ZFP30: variants seen among roughly 807,000 people sequenced by gnomAD.
The protein encoded by ZFP30 is zinc finger protein 30 homolog.
Under a neutral mutation model 12.3 loss-of-function variants are expected in ZFP30, and 16 were observed. The ratio of observed to expected loss-of-function variants is 1.30; its 90% CI spans 0.88 to 1.98. ZFP30 has a LOEUF of 1.98. Ranked by LOEUF, ZFP30 falls within the 30% of genes most tolerant of loss-of-function variation. The pLI is 0.00. For synonymous variants in ZFP30, 172 were observed against 201.0 expected, an observed-to-expected ratio of 0.86 and a Z score of 1.22; for missense variants, 560 against 611.2, an observed-to-expected ratio of 0.92 and a Z score of 0.88.
chr19:37,641,701 CAA>C (rs970316816), intron 5 of ZFP30, among the ~76,000 whole-genome samples: 13 of 152,204 alleles, frequency 8.5e-5, no homozygotes, highest in Non-Finnish European at 1.8e-4. Flanking sequence ...TAAATATCAT[CAA>C]AAGTCAATGT....
chr19:37,631,184 G>C lies in ZFP30; in HGVS notation c.*3797C>G, dbSNP rs1334309586. The C allele has an allele frequency of 2.6e-5, 4 of 152,132 alleles. No individual in the cohort carries two copies. Among genetic ancestry groups the C allele is most frequent in the Non-Finnish European group, 5.9e-5 (4 of 68,026 alleles). 9.4% of individuals were successfully genotyped at this position (152,132 alleles called of 1,614,324 possible). A position where few individuals can be genotyped will look rare whatever the true frequency, so the allele number is the denominator to read the frequency against. On this transcript the variant is annotated 3_prime_UTR_variant, in exon 6 of 6. Transcript: ENST00000684514. Reference sequence around the variant, plus strand: ...TCCACCTTTGCTGTCACCTGTTTTGGTTACAGCACTTATCTGTTAAAATGG... The same window carrying C: ...TCCACCTTTGCTGTCACCTGTTTTGCTTACAGCACTTATCTGTTAAAATGG...
rs1230020595 is a variant in ZFP30 at position 37,633,356 on chromosome 19, TTTC to T, written c.*1622_*1624del. 1.3e-5 allele frequency: 2 copies of T among 152,094 alleles called. No homozygotes were observed. Among genetic ancestry groups the T allele is most frequent in the African/African-American group, 2.4e-5 (1 of 41,388 alleles). The allele number at this position is 152,094 out of a possible 1,614,324, so 9.4% of individuals were successfully genotyped here. ...TCCACAAGTTTTAATATGTAGAAAT[TTTC>T]TTTTTTTCTTTGAGATAGAGTTTTG... is the stretch of plus-strand genomic sequence containing the variant. On this transcript the variant is annotated 3_prime_UTR_variant, in exon 6 of 6. Transcript: ENST00000684514.
chr19:37,653,092 G>T (rs1318792257), intron 2 of ZFP30, among the ~76,000 whole-genome samples: 1 of 149,640 alleles, frequency 6.7e-6, no homozygotes, highest in Admixed American at 6.7e-5. Context: ...ACTCCAACCC[G>T]GGCAACAAAA....
At chr19:37,654,049 T>G (rs1271573181) in intron 2 of ZFP30, among the ~76,000 whole-genome samples, 1 of 152,270 alleles carries the variant, frequency 6.6e-6, no homozygotes, top group Non-Finnish European at 1.5e-5. Context: ...GGACTCACTA[T>G]GTGCCAGGCA....
intron 3 of ZFP30, among the ~76,000 whole-genome samples, chr19:37,645,625 T>C (rs1417311196): frequency 6.6e-6 from 1 of 151,010 alleles, no homozygotes; most frequent in African/African-American, 2.4e-5. Context: ...TTTATTTATT[T>C]CCAGACATAT....
Position 37,636,411 on chromosome 19 carries a change from A to G in ZFP30, c.236-106T>C. The stretch of plus-strand genomic sequence containing the variant: ...ACCAAAAAAAAAAAAAAAGAAAAAG[A>G]AAGCCCAATTGAAGTAAATGGGCTC... On this transcript the variant is annotated intron_variant, in intron 5 of 5. Transcript: ENST00000684514. 3.2e-6 allele frequency: 4 copies of G among 1,239,092 alleles called. No homozygotes were observed. In the East Asian group the frequency reaches 1.0e-4, roughly 32 times the overall value. The allele number at this position is 1,239,092 out of a possible 1,614,324, so 76.8% of individuals were successfully genotyped here.
chr19:37,631,826 A>G lies in ZFP30; in HGVS notation c.*3155T>C, dbSNP rs538124136. On this transcript the variant is annotated 3_prime_UTR_variant, in exon 6 of 6. Coordinates refer to ENST00000684514, the MANE Select transcript of ZFP30 (RefSeq NM_001320669.3). ...ATTAAAGCTGGATGGATCTGGTCCA[A>G]GTTATTCCACATAAATGATTTTCTA... The G allele has an allele frequency of 1.3e-5, 2 of 152,282 alleles. No individual in the cohort carries two copies. Among genetic ancestry groups the G allele is most frequent in the Middle Eastern group, 3.4e-3 (1 of 294 alleles). 9.4% of individuals were successfully genotyped at this position (152,282 alleles called of 1,614,324 possible).
intron 5 of ZFP30, among the ~76,000 whole-genome samples, chr19:37,640,428 T>C (rs1196662295): frequency 1.3e-5 from 2 of 149,376 alleles, no homozygotes; most frequent in Non-Finnish European, 3.0e-5. Flanking sequence ...CTATATAATT[T>C]AATATTAACT....
intron 3 of ZFP30, 67 bp from the exon 4 acceptor site, chr19:37,644,803 G>C (rs890855211): frequency 6.6e-7 from 1 of 1,516,630 alleles, no homozygotes; most frequent in Non-Finnish European, 8.9e-7. Flanking sequence ...GAAGAAGGTG[G>C]CTGGGTGTAG....
intron 5 of ZFP30, among the ~76,000 whole-genome samples, chr19:37,642,107 A>C (rs745796072): frequency 6.6e-6 from 1 of 152,234 alleles, no homozygotes. Flanking sequence ...CTGATATTCA[A>C]TATCTAAATC....
intron 5 of ZFP30, among the ~76,000 whole-genome samples, chr19:37,639,289 C>T (rs1309599857): frequency 1.3e-5 from 2 of 152,032 alleles, no homozygotes; most frequent in East Asian, 3.8e-4. Context: ...GAAGGTAATA[C>T]AAAGGTTAAG....
upstream of ZFP30, chr19:37,656,022 T>G (rs1871196): frequency 0.26 from 39,350 of 152,138 alleles, 6,304 homozygotes; most frequent in Non-Finnish European, 0.37. Flanking sequence ...CTGGCGTGAG[T>G]TGGATGGAGG....
intron 2 of ZFP30, among the ~76,000 whole-genome samples, chr19:37,649,965 T>C (rs1355068371): frequency 6.6e-6 from 1 of 152,188 alleles, no homozygotes; most frequent in Non-Finnish European, 1.5e-5. Context: ...ATGATTGTAA[T>C]GTAATTGTAT....
intron 5 of ZFP30, among the ~76,000 whole-genome samples, chr19:37,639,448 C>A (rs933419428): frequency 6.6e-6 from 1 of 152,106 alleles, no homozygotes; most frequent in Non-Finnish European, 1.5e-5. Flanking sequence ...AAAGTCCACA[C>A]AAACTGGGCA....
Position 37,636,179 on chromosome 19 carries a change from T to G in ZFP30, c.362A>C (p.His121Pro). 3.7e-6 allele frequency: 6 copies of G among 1,614,188 alleles called. No individual in the cohort carries two copies. Among genetic ancestry groups the G allele is most frequent in the Non-Finnish European group, 5.1e-6 (6 of 1,180,034 alleles). The change falls in exon 6 of 6, where the codon CAT becomes CCT. Residue 121 changes from histidine (H) to proline (P), a missense_variant. Coordinates refer to ENST00000684514, the MANE Select transcript of ZFP30 (RefSeq NM_001320669.3). ...SCGLEEQESP[H>P]EVCFRQVTKT... ...TGTCACTTGCCTGAAACACACCTCA[T>G]GAGGACTTTCTTGTTCTTCAAGTCC...
intron 2 of ZFP30, chr19:37,651,402 C>G (rs2044647394): frequency 6.6e-6 from 1 of 151,884 alleles, no homozygotes; most frequent in Non-Finnish European, 1.5e-5. Context: ...CGGTGAAACC[C>G]CATCTCTACT....
chr19:37,643,765 C>T (rs1568384053), intron 4 of ZFP30, among the ~76,000 whole-genome samples: 1 of 152,052 alleles, frequency 6.6e-6, no homozygotes, highest in Non-Finnish European at 1.5e-5. Context: ...TGAGGTACTA[C>T]ATTTGCTATT....
In ZFP30 at chr19:37,635,024, T is replaced by A. The variant is rs2044290926; in HGVS notation, c.1517A>T (p.His506Leu). ...TCGCTGATGGTAAGTAAGATGTGAA[T>A]GTTGTCTAAATGCCTTTTTACATTC... ...CKECKKAFRQHSHLTYHQRIH... is the reference protein window; with the variant it reads ...CKECKKAFRQLSHLTYHQRIH... Residue 506 changes from histidine to leucine, a missense_variant, in exon 6 of 6, where the codon CAT (histidine) becomes CTT (leucine). Coordinates refer to ENST00000684514, the MANE Select transcript of ZFP30 (RefSeq NM_001320669.3). The A allele has an allele frequency of 5.1e-6, 8 of 1,581,756 alleles. No homozygotes were observed. The highest frequency in any genetic ancestry group is 6.9e-6 in the Non-Finnish European group (8 of 1,167,444).
rs1177264402 is a variant in ZFP30 at position 37,634,483 on chromosome 19, T to C, written c.*498A>G. On this transcript the variant is annotated 3_prime_UTR_variant, in exon 6 of 6. Coordinates refer to ENST00000684514, the MANE Select transcript of ZFP30 (RefSeq NM_001320669.3). ...CATGCCTAGATCCATTATTTCATTA[T>C]GTGTTACACAATAGTTTTTCTAATA... 6.5e-6 allele frequency: 1 copy of C among 152,788 alleles called. No homozygotes were observed. Among genetic ancestry groups the C allele is most frequent in the Non-Finnish European group, 1.5e-5 (1 of 68,478 alleles). The allele number at this position is 152,788 out of a possible 1,614,324, so 9.5% of individuals were successfully genotyped here.
Sources: gnomAD v4.1 joint callset for allele counts (sites outside exome capture counted in the v4.1 genomes callset) on GRCh38, gnomAD v4.1.1 for gene constraint, MANE v1.5 for transcripts, NCBI Gene and HGNC (gene_info 2026-07-23, HGNC 2026-07-21) for gene names.